Variants in FOXN3 observed in about 807,000 individuals in gnomAD.
FOXN3 encodes the protein forkhead box protein N3.
Under a neutral mutation model 38.4 loss-of-function variants are expected in FOXN3, and 7 were observed. That is an observed-to-expected ratio of 0.18 (90% CI 0.10 to 0.34). The LOEUF (loss-of-function observed/expected upper bound fraction) is 0.34, where lower values mean the gene tolerates loss of function less well. Ranked by LOEUF, FOXN3 falls within the 10% of genes least tolerant of loss-of-function variation. The probability of loss-of-function intolerance (pLI) is 1.00; values close to 1 mark genes in which losing one functional copy is unlikely to be tolerated. For synonymous variants in FOXN3, 230 were observed against 242.2 expected (o/e 0.95, Z 0.47); for missense variants, 456 against 613.4 (o/e 0.74, Z 2.71).
At chr14:89,331,462 T>C (rs761049337) in intron 3 of FOXN3, among the ~76,000 whole-genome samples, 2 of 144,962 alleles carry the variant, frequency 1.4e-5, no homozygotes, top group Non-Finnish European at 3.1e-5. Flanking sequence ...CTGATGGACG[T>C]TTGCGTTGTT....
At chr14:89,394,200 G>A (rs924816499) in intron 2 of FOXN3, among the ~76,000 whole-genome samples, 2 of 151,192 alleles carry the variant, frequency 1.3e-5, no homozygotes, top group African/African-American at 2.4e-5. Context: ...CACCACAATG[G>A]GGATCGACGT....
At chr14:89,220,870 C>T (rs766032544) in intron 4 of FOXN3, among the ~76,000 whole-genome samples, 1 of 152,000 alleles carries the variant, frequency 6.6e-6, no homozygotes, top group Non-Finnish European at 1.5e-5. Context: ...CACAGGCTAA[C>T]GTGATAGAAC....
intron 1 of FOXN3, among the ~76,000 whole-genome samples, chr14:89,435,061 T>C (rs1036145087): frequency 1.6e-4 from 24 of 152,140 alleles, no homozygotes; most frequent in African/African-American, 5.8e-4. Context: ...CCATATATCC[T>C]AGACAAGAGG....
At chr14:89,339,070 G>A (rs930561685) in intron 3 of FOXN3, among the ~76,000 whole-genome samples, 32 of 152,138 alleles carry the variant, frequency 2.1e-4, no homozygotes, top group African/African-American at 7.2e-4. Flanking sequence ...GTGCGATCTC[G>A]GCTCACTGCA....
intron 3 of FOXN3, among the ~76,000 whole-genome samples, chr14:89,331,973 T>C (rs534336886): frequency 2.2e-4 from 33 of 152,172 alleles, no homozygotes; most frequent in Non-Finnish European, 4.0e-4. Context: ...TGATAAAATG[T>C]AGGAAATATC....
At chr14:89,340,094 A>G (rs1435108932) in intron 3 of FOXN3, among the ~76,000 whole-genome samples, 3 of 152,088 alleles carry the variant, frequency 2.0e-5, no homozygotes, top group African/African-American at 7.2e-5. Context: ...GAGGAAAGAG[A>G]AGAAGGAAGG....
chr14:89,304,785 T>C (rs546796028), intron 3 of FOXN3, among the ~76,000 whole-genome samples: 1 of 152,182 alleles, frequency 6.6e-6, no homozygotes, highest in African/African-American at 2.4e-5. Flanking sequence ...CCAGACCTTC[T>C]GCACAGAGCT....
At chr14:89,368,810 A>C (rs565611669) in intron 2 of FOXN3, among the ~76,000 whole-genome samples, 1 of 152,206 alleles carries the variant, frequency 6.6e-6, no homozygotes, top group Non-Finnish European at 1.5e-5. Flanking sequence ...CCTGGGGCAC[A>C]GAACAGTCCT....
intron 1 of FOXN3, among the ~76,000 whole-genome samples, chr14:89,563,747 A>G (rs1052517539): frequency 2.0e-5 from 3 of 152,306 alleles, no homozygotes; most frequent in African/African-American, 7.2e-5. Context: ...GGGAAGGTCA[A>G]TGGGGCAATT....
At position 89,520,170 on chromosome 14, in the gene FOXN3, C is replaced by T. The variant is rs77327557; in HGVS notation, c.-15+98858G>A. On this transcript the variant is annotated intron_variant, in intron 1 of 6. Transcript: ENST00000345097. ...CTGGGACTACCGCCGTGTACCTCGA[C>T]GTCCAGTGACATTTTGAACTTTTGT... 6.9e-3 allele frequency among the ~76,000 whole-genome samples: 1,049 copies of T among 151,396 alleles called. 8 individuals carry two copies. Among genetic ancestry groups the T allele is most frequent in the African/African-American group, 0.023 (966 of 41,238 alleles).
In FOXN3 at chr14:89,180,259, G is replaced by T. The variant is rs550815505; in HGVS notation, c.851+442C>A. On this transcript the variant is annotated intron_variant, in intron 5 of 5. Transcript: ENST00000557258. ...ACGTACCAAAGCTCGCCTCACATCT[G>T]ATTTTGCATTTGATTTTCCCCGCAA... 6.6e-5 allele frequency among the ~76,000 whole-genome samples: 10 copies of T among 152,310 alleles called. No individual in the cohort carries two copies. In the South Asian group the frequency reaches 2.1e-3, roughly 32 times the overall value.
chr14:89,505,916 G>C (rs1488371625), intron 1 of FOXN3, among the ~76,000 whole-genome samples: 1 of 149,888 alleles, frequency 6.7e-6, no homozygotes. Flanking sequence ...GAGCGTCTCT[G>C]CCCGGCCGCC....
intron 1 of FOXN3, among the ~76,000 whole-genome samples, chr14:89,425,299 G>A (rs1892002769): frequency 1.3e-5 from 2 of 152,038 alleles, no homozygotes; most frequent in African/African-American, 4.8e-5. Flanking sequence ...TTGAACTCCT[G>A]ACCTCGTGAT....
rs569544735 is a variant in FOXN3, at chr14:89,534,058, C to G, written c.-15+84970G>C. Reference sequence around the variant, plus strand: ...CCTGACTAGAGATGTGCTTCCCCCCCGCCACCCACTATGGAATTCAGATAG... The same window carrying G: ...CCTGACTAGAGATGTGCTTCCCCCCGGCCACCCACTATGGAATTCAGATAG... On this transcript the variant is annotated intron_variant, in intron 1 of 6. Coordinates refer to the FOXN3 transcript ENST00000345097. 9.2e-5 allele frequency among the ~76,000 whole-genome samples: 14 copies of G among 151,890 alleles called. No homozygotes were observed. The South Asian group carries it at 1.5e-3, about 16-fold the overall frequency.
At chr14:89,306,797 G>C (rs543238879) in intron 3 of FOXN3, among the ~76,000 whole-genome samples, 7 of 152,300 alleles carry the variant, frequency 4.6e-5, no homozygotes, top group Non-Finnish European at 8.8e-5. Context: ...GCTAAGTATG[G>C]CTTTGACATT....
intron 2 of FOXN3, chr14:89,356,230 T>A (rs1015230341): frequency 2.0e-5 from 3 of 151,862 alleles, no homozygotes; most frequent in Non-Finnish European, 2.9e-5. Flanking sequence ...AAACCCCATC[T>A]CTACAAAAAT....
intron 2 of FOXN3, among the ~76,000 whole-genome samples, chr14:89,395,250 G>A (rs535034426): frequency 2.0e-5 from 3 of 152,300 alleles, no homozygotes; most frequent in South Asian, 2.1e-4. Flanking sequence ...TCAGGAACAC[G>A]TGTCCGGGAC....
intron 3 of FOXN3, among the ~76,000 whole-genome samples, chr14:89,344,124 T>C (rs539698301): frequency 9.2e-5 from 14 of 152,320 alleles, no homozygotes; most frequent in Middle Eastern, 3.4e-3. Flanking sequence ...AATAAATCTT[T>C]AGACCTAGAT....
intron 2 of FOXN3, chr14:89,409,351 A>AGGGGGGGGGGGG (rs138581623): frequency 7.1e-6 from 1 of 140,924 alleles, no homozygotes; most frequent in Non-Finnish European, 1.5e-5. Flanking sequence ...GCGGTGGGGG[A>AGGGGGGGGGGGG]CGGGGGGGTC....
Sources: allele counts gnomAD v4.1 joint callset (sites outside exome capture counted in the v4.1 genomes callset), GRCh38; gene constraint gnomAD v4.1.1; transcripts MANE v1.5; gene names NCBI Gene and HGNC (gene_info 2026-07-23, HGNC 2026-07-21).